GPM6B: variants seen among roughly 807,000 people sequenced by gnomAD.
GPM6B encodes the protein glycoprotein M6B, also known as neuronal membrane glycoprotein M6-b.
Under a neutral mutation model 27.2 loss-of-function variants are expected in GPM6B, and 4 were observed. The observed-to-expected ratio is 0.15, with a 90% CI of 0.07 to 0.34. The LOEUF (loss-of-function observed/expected upper bound fraction) is 0.34. Among genes scored for constraint, GPM6B ranks in the 10% least tolerant of loss-of-function variants. The probability of loss-of-function intolerance (pLI) is 1.00; values close to 1 mark genes in which losing one functional copy is unlikely to be tolerated. For missense variants in GPM6B, 183 were observed against 261.9 expected, an observed-to-expected ratio of 0.70 and a Z score of 2.08; for synonymous variants, 124 against 103.1, an observed-to-expected ratio of 1.20 and a Z score of -1.23.
In GPM6B at chrX:13,772,127, G is replaced by A. The variant is rs1458836367; in HGVS notation, c.*754C>T. The stretch of plus-strand genomic sequence containing the variant: ...TAAAGCAAATACTCATTAAGGCAAA[G>A]CTGACATTTCTCAAGAATAATGAAA... On this transcript the variant is annotated 3_prime_UTR_variant, in exon 8 of 8. Transcript: ENST00000316715. 8.9e-6 allele frequency: 1 copy of A among 112,361 alleles called. No homozygotes were observed. Among genetic ancestry groups the A allele is most frequent in the Non-Finnish European group, 1.9e-5 (1 of 53,181 alleles). 9.3% of individuals were successfully genotyped at this position (112,361 alleles called of 1,213,427 possible). A position where few individuals can be genotyped will look rare whatever the true frequency, so the allele number is the denominator to read the frequency against.
At chrX:13,937,233 C>A (rs1351669377) in intron 1 of GPM6B, among the ~76,000 whole-genome samples, 1 of 111,602 alleles carries the variant, frequency 9.0e-6, no homozygotes, top group Non-Finnish European at 1.9e-5. Flanking sequence ...ATTTGGTGGG[C>A]CTTATCTCCT....
chrX:13,788,853 T>C lies in GPM6B; in HGVS notation c.182-3045A>G, dbSNP rs369165826. 2.4e-4 allele frequency among the ~76,000 whole-genome samples: 27 copies of C among 110,897 alleles called. No homozygotes were observed. The East Asian group carries it at 7.3e-3, about 30-fold the overall frequency. ...CAATTTATATCTCTCAAGGACTCTG[T>C]ATATACCTCATGCTGTGGATCTAGT... On this transcript the variant is annotated intron_variant, in intron 2 of 7. Coordinates refer to ENST00000316715, the MANE Select transcript of GPM6B (RefSeq NM_001001995.3).
chrX:13,779,920 A>G lies in GPM6B; in HGVS notation c.595T>C (p.Phe199Leu), dbSNP rs2048484639. The G allele has an allele frequency of 2.5e-6, 3 of 1,203,067 alleles. No homozygotes were observed. The highest frequency in any genetic ancestry group is 3.4e-6 in the Non-Finnish European group (3 of 889,153). Residue 199 changes from phenylalanine to leucine, a missense_variant, in exon 5 of 8, where the codon TTT becomes CTT. Coordinates refer to ENST00000316715, the MANE Select transcript of GPM6B (RefSeq NM_001001995.3). ...GTTGACCATATGTTGTAGAACATAAACACGGGCACCGCTGAGAAACCAAAC... is the reference window on the plus strand; with the variant it reads ...GTTGACCATATGTTGTAGAACATAAGCACGGGCACCGCTGAGAAACCAAAC... The part of the protein sequence containing the change: ...GVFGFSAVPV[F>L]MFYNIWSTCE...
intron 2 of GPM6B, among the ~76,000 whole-genome samples, chrX:13,795,433 C>T (rs1334101474): frequency 9.0e-6 from 1 of 111,690 alleles, no homozygotes; most frequent in Non-Finnish European, 1.9e-5. Flanking sequence ...CTCCTCCATT[C>T]TCCAAGCACA....
At position 13,779,864 on chromosome X, in the gene GPM6B, G is replaced by A. The variant is rs765207721; in HGVS notation, c.651C>T (p.Asn217=). The change falls in exon 5 of 8, where the codon AAC becomes AAT. Residue 217 remains asparagine (N), a synonymous_variant. Coordinates refer to ENST00000316715, the MANE Select transcript of GPM6B (RefSeq NM_001001995.3). ...TCEVIKSPQT[N]GTTGVEQICV... Reference sequence around the variant, plus strand: ...AGATCTGCTCCACACCCGTGGTCCCGTTGGTCTGCGGTGACTTGATGACTT... The same window carrying A: ...AGATCTGCTCCACACCCGTGGTCCCATTGGTCTGCGGTGACTTGATGACTT... The A allele has an allele frequency of 2.5e-6, 3 of 1,195,320 alleles. No individual in the cohort carries two copies. Among genetic ancestry groups the A allele is most frequent in the Admixed American group, 2.2e-5 (1 of 45,885 alleles).
chrX:13,781,177 C>T (rs2048509067), intron 4 of GPM6B, among the ~76,000 whole-genome samples: 1 of 111,311 alleles, frequency 9.0e-6, no homozygotes, highest in South Asian at 3.8e-4. Context: ...GCCAGGACTC[C>T]AGAGGGAAGG....
rs188024019 is a variant in GPM6B at position 13,930,600 on chromosome X, C to T, written c.-198+7727G>A. On this transcript the variant is annotated intron_variant, in intron 1 of 6. Coordinates refer to the GPM6B transcript ENST00000398361. ...CTGCACTCCAGCCTGGGTAACAGAG[C>T]GAGACTCCGTCTCAAAAAAAAAAAA... is the stretch of plus-strand genomic sequence containing the variant. Among the ~76,000 whole-genome samples, 907 of 104,291 alleles carry T rather than the reference C, an allele frequency of 8.7e-3. 8 individuals are homozygous for T. Among genetic ancestry groups the T allele is most frequent in the African/African-American group, 0.028 (810 of 28,589 alleles). 90.6% of individuals were successfully genotyped at this position (104,291 alleles called of 115,157 possible). A position where few individuals can be genotyped will look rare whatever the true frequency, so the allele number is the denominator to read the frequency against.
chrX:13,811,465 T>A (rs1342164436), intron 1 of GPM6B, among the ~76,000 whole-genome samples: 1 of 112,200 alleles, frequency 8.9e-6, no homozygotes, highest in Non-Finnish European at 1.9e-5. Flanking sequence ...TTATCTTTCA[T>A]TTTTAGCTAT....
intron 1 of GPM6B, among the ~76,000 whole-genome samples, chrX:13,874,237 G>C (rs1308900787): frequency 9.0e-6 from 1 of 111,399 alleles, no homozygotes; most frequent in Admixed American, 9.5e-5. Context: ...ACTTTTCTAG[G>C]GCTTAAGGAG....
intron 2 of GPM6B, among the ~76,000 whole-genome samples, chrX:13,801,886 C>T (rs1035379412): frequency 2.7e-5 from 3 of 111,423 alleles, no homozygotes. Context: ...ATTTGTCCCA[C>T]CTAAATGACT....
At chrX:13,889,561 A>T (rs1307066553) in intron 1 of GPM6B, 1 of 111,747 alleles carries the variant, frequency 8.9e-6, no homozygotes, top group Non-Finnish European at 1.9e-5. Flanking sequence ...CTAGGATGCT[A>T]AGAACATGGA....
At chrX:13,871,114 CA>C (rs372420351) in intron 1 of GPM6B, among the ~76,000 whole-genome samples, 3,310 of 95,118 alleles carry the variant, frequency 0.035, 41 homozygotes, top group Middle Eastern at 0.053. Context: ...CAAAACAAAA[CA>C]AAAAAAAAAG....
chrX:13,838,289 A>G (rs992991814), intron 1 of GPM6B, among the ~76,000 whole-genome samples: 25 of 112,006 alleles, frequency 2.2e-4, no homozygotes, highest in Middle Eastern at 4.6e-3. Flanking sequence ...AGCTAGCAAA[A>G]CAGACTGCGA....
intron 1 of GPM6B, among the ~76,000 whole-genome samples, chrX:13,845,695 T>A (rs1329061830): frequency 3.6e-5 from 4 of 112,043 alleles, no homozygotes; most frequent in Non-Finnish European, 7.5e-5. Context: ...GTTATATATT[T>A]ATAAATCAAT....
intron 1 of GPM6B, among the ~76,000 whole-genome samples, chrX:13,905,424 T>A (rs1049258814): frequency 4.5e-5 from 5 of 110,882 alleles, no homozygotes; most frequent in Admixed American, 9.6e-5. Context: ...GTGGAATATT[T>A]CCTAAATACT....
At chrX:13,938,449 C>CCCG, upstream of GPM6B, 1 of 805,771 alleles carries the variant, frequency 1.2e-6, no homozygotes, top group Non-Finnish European at 1.6e-6. Context: ...AGGGCGCGCC[C>CCCG]TCCCGGGGCG....
Position 13,826,245 on chromosome X carries a change from GGGGCACAGAGACCCTA to G in GPM6B, c.-197-40453_-197-40438del, listed in dbSNP as rs2049370656. ...GGACCTGAGTAGGGCTGAGTTTCCAGGGGCACAGAGACCCTAGGGAGGTAGAGTGAAGGAGACAAGG... is the reference window on the plus strand; with the variant it reads ...GGACCTGAGTAGGGCTGAGTTTCCAGGGGAGGTAGAGTGAAGGAGACAAGG... On this transcript the variant is annotated intron_variant, in intron 1 of 6. Transcript: ENST00000398361. Among the ~76,000 whole-genome samples the G allele has an allele frequency of 9.0e-5, 10 of 110,627 alleles. No homozygotes were observed. The South Asian group carries it at 3.9e-3, about 43-fold the overall frequency.
At chrX:13,808,158 T>C (rs1280699633) in intron 1 of GPM6B, among the ~76,000 whole-genome samples, 1 of 112,327 alleles carries the variant, frequency 8.9e-6, no homozygotes, top group African/African-American at 3.2e-5. Context: ...CTAGCAAAGG[T>C]GAACGCAGGC....
chrX:13,803,523 G>A (rs1349021879), intron 2 of GPM6B, among the ~76,000 whole-genome samples: 1 of 111,952 alleles, frequency 8.9e-6, no homozygotes, highest in Admixed American at 9.5e-5. Flanking sequence ...TTTGAGAGGC[G>A]GAAATTGGTG....
Sources: allele counts gnomAD v4.1 joint callset (sites outside exome capture counted in the v4.1 genomes callset), GRCh38; gene constraint gnomAD v4.1.1; transcripts MANE v1.5; gene names NCBI Gene and HGNC (gene_info 2026-07-23, HGNC 2026-07-21).